PLXNA4: variants seen among roughly 807,000 people sequenced by gnomAD.
PLXNA4 encodes plexin A4.
A neutral mutation model predicts 191.8 loss-of-function variants in PLXNA4; 44 were observed. The ratio of observed to expected loss-of-function variants is 0.23; its 90% CI spans 0.18 to 0.29. The LOEUF is 0.29. PLXNA4 is among the 10% of genes least tolerant of loss of function. The pLI, the probability that PLXNA4 is intolerant of heterozygous loss-of-function variation, is 1.00. For synonymous variants in PLXNA4, 1,082 were observed against 1,009.5 expected, an observed-to-expected ratio of 1.07 and a Z score of -1.36; for missense variants, 1,800 against 2,488.8, an observed-to-expected ratio of 0.72 and a Z score of 5.89.
chr7:132,427,063 A>G (rs1445693412), intron 3 of PLXNA4, among the ~76,000 whole-genome samples: 3 of 152,190 alleles, frequency 2.0e-5, no homozygotes, highest in Non-Finnish European at 4.4e-5. Context: ...AGTGACTCCT[A>G]CTGAAGACAC....
intron 2 of PLXNA4, among the ~76,000 whole-genome samples, chr7:132,596,018 T>C (rs1563190043): frequency 6.6e-6 from 1 of 152,148 alleles, no homozygotes; most frequent in Non-Finnish European, 1.5e-5. Flanking sequence ...TTAAGAAATA[T>C]ATTTTATAGG....
At chr7:132,152,846 G>T (rs1003168401) in intron 25 of PLXNA4, among the ~76,000 whole-genome samples, 1 of 152,128 alleles carries the variant, frequency 6.6e-6, no homozygotes, top group East Asian at 1.9e-4. Context: ...TACAAAAGAG[G>T]ACACCTACAG....
intron 1 of PLXNA4, among the ~76,000 whole-genome samples, chr7:132,566,767 G>T (rs1259876057): frequency 6.6e-6 from 1 of 152,174 alleles, no homozygotes; most frequent in African/African-American, 2.4e-5. Context: ...GTTTCTTTAT[G>T]AAATATACAC....
intron 3 of PLXNA4, among the ~76,000 whole-genome samples, chr7:132,347,183 G>A (rs935252468): frequency 2.0e-4 from 31 of 152,116 alleles, no homozygotes; most frequent in Admixed American, 2.0e-3. Flanking sequence ...TAGCATCAAA[G>A]CACTCTCAGC....
At chr7:132,255,500 G>A (rs10225838) in intron 4 of PLXNA4, among the ~76,000 whole-genome samples, 28,373 of 152,104 alleles carry the variant, frequency 0.19, 2,941 homozygotes, top group Non-Finnish European at 0.23. Flanking sequence ...CAACATTCAC[G>A]TTAATGCAAA....
intron 3 of PLXNA4, among the ~76,000 whole-genome samples, chr7:132,355,973 G>A (rs1217903807): frequency 1.3e-5 from 2 of 152,126 alleles, no homozygotes; most frequent in Non-Finnish European, 2.9e-5. Flanking sequence ...GCTGATGCAG[G>A]TTTAAGGGGA....
intron 21 of PLXNA4, among the ~76,000 whole-genome samples, chr7:132,170,119 C>G (rs1271604705): frequency 1.3e-5 from 2 of 152,084 alleles, no homozygotes; most frequent in East Asian, 1.9e-4. Flanking sequence ...AATTCTGTCA[C>G]AGTCATTTCC....
intron 1 of PLXNA4, among the ~76,000 whole-genome samples, chr7:132,540,197 C>T (rs527804825): frequency 6.6e-6 from 1 of 152,190 alleles, no homozygotes; most frequent in South Asian, 2.1e-4. Flanking sequence ...CGGAGCTATC[C>T]AGAGCATGCA....
chr7:132,465,108 T>A (rs2117380904), intron 3 of PLXNA4, among the ~76,000 whole-genome samples: 1 of 152,108 alleles, frequency 6.6e-6, no homozygotes, highest in East Asian at 1.9e-4. Context: ...ACCACTTGCA[T>A]CCCCCACTCC....
intron 31 of PLXNA4, among the ~76,000 whole-genome samples, chr7:132,131,437 T>A (rs946258493): frequency 6.6e-6 from 1 of 151,818 alleles, no homozygotes; most frequent in African/African-American, 2.4e-5. Context: ...ACACAAGGCC[T>A]GCCCCCCGAG....
chr7:132,444,889 C>T (rs1224923233), intron 3 of PLXNA4, among the ~76,000 whole-genome samples: 2 of 151,246 alleles, frequency 1.3e-5, no homozygotes, highest in African/African-American at 2.4e-5. Flanking sequence ...CTCGGCTGGG[C>T]GCGGTGGCTC....
At chr7:132,155,318 G>A (rs1444046151) in intron 25 of PLXNA4, among the ~76,000 whole-genome samples, 1 of 152,214 alleles carries the variant, frequency 6.6e-6, no homozygotes, top group Non-Finnish European at 1.5e-5. Flanking sequence ...GAACTGAGCT[G>A]CAGATTCTCC....
intron 1 of PLXNA4, among the ~76,000 whole-genome samples, chr7:132,569,622 C>A (rs1179573454): frequency 6.6e-6 from 1 of 152,208 alleles, no homozygotes; most frequent in Admixed American, 6.5e-5. Flanking sequence ...AATGATTTTT[C>A]CCAAAATGCT....
At chr7:132,411,924 G>T (rs1202555087) in intron 3 of PLXNA4, among the ~76,000 whole-genome samples, 1 of 152,126 alleles carries the variant, frequency 6.6e-6, no homozygotes, top group Non-Finnish European at 1.5e-5. Flanking sequence ...TTTCTGAAAT[G>T]GCTTAGCTCC....
At chr7:132,209,635 G>A (rs1467830146) in intron 10 of PLXNA4, among the ~76,000 whole-genome samples, 1 of 152,138 alleles carries the variant, frequency 6.6e-6, no homozygotes, top group African/African-American at 2.4e-5. Flanking sequence ...TCCCTGTAAT[G>A]CTGAGTGACC....
chr7:132,559,445 A>C (rs1800937215), intron 1 of PLXNA4, among the ~76,000 whole-genome samples: 1 of 152,204 alleles, frequency 6.6e-6, no homozygotes, highest in African/African-American at 2.4e-5. Context: ...TTTGCAGCTA[A>C]AGACATTCTT....
At chr7:132,184,872 C>T (rs1422197294) in intron 16 of PLXNA4, among the ~76,000 whole-genome samples, 3 of 151,990 alleles carry the variant, frequency 2.0e-5, no homozygotes, top group Admixed American at 1.3e-4. Context: ...AACACAGCTT[C>T]CCCCAAGGAA....
At chr7:132,578,224 TAACTC>T (rs964464817), upstream of PLXNA4, among the ~76,000 whole-genome samples, 1 of 151,834 alleles carries the variant, frequency 6.6e-6, no homozygotes, top group African/African-American at 2.4e-5. Context: ...CCACACCTGT[TAACTC>T]AACTCTGTGC....
chr7:132,136,468 C>T (rs940258197), intron 30 of PLXNA4, among the ~76,000 whole-genome samples: 3 of 152,184 alleles, frequency 2.0e-5, no homozygotes, highest in Non-Finnish European at 2.9e-5. Flanking sequence ...CTGGTCCCAC[C>T]ACTGGCCTTC....
Sources: gnomAD v4.1 joint callset for allele counts (sites outside exome capture counted in the v4.1 genomes callset) on GRCh38, gnomAD v4.1.1 for gene constraint, MANE v1.5 for transcripts, NCBI Gene and HGNC (gene_info 2026-07-23, HGNC 2026-07-21) for gene names.